The following CDH13 variants were observed in gnomAD, a reference collection of about 807,000 sequenced individuals.
The protein encoded by CDH13 is cadherin-13.
Under a neutral mutation model 63.8 loss-of-function variants are expected in CDH13, and 24 were observed. That is an observed-to-expected ratio of 0.38 (90% CI 0.27 to 0.53). CDH13 has a LOEUF of 0.53. Ranked by LOEUF, CDH13 falls within the 20% of genes least tolerant of loss-of-function variation. CDH13 has a pLI of 0.85. For missense variants in CDH13, 1,049 were observed against 903.1 expected (o/e 1.16, Z -2.07); for synonymous variants, 503 against 355.3 (o/e 1.42, Z -4.67).
intron 1 of CDH13, among the ~76,000 whole-genome samples, chr16:82,856,608 G>A (rs555665847): frequency 8.3e-5 from 12 of 144,510 alleles, no homozygotes; most frequent in Non-Finnish European, 1.5e-4. Flanking sequence ...AGGCTGAGGT[G>A]GGAGGATCGC....
At chr16:83,294,026 A>C (rs965770484) in intron 5 of CDH13, among the ~76,000 whole-genome samples, 1 of 152,212 alleles carries the variant, frequency 6.6e-6, no homozygotes, top group Non-Finnish European at 1.5e-5. Context: ...TGTAGCTAGG[A>C]CATAGCATCA....
chr16:82,927,779 G>A (rs557464781), intron 2 of CDH13, among the ~76,000 whole-genome samples: 15 of 152,290 alleles, frequency 9.8e-5, no homozygotes, highest in African/African-American at 3.1e-4. Flanking sequence ...CTCAGCCCAG[G>A]CACCCTGCCT....
At chr16:83,036,540 C>T (rs1044952068) in intron 3 of CDH13, among the ~76,000 whole-genome samples, 2 of 152,094 alleles carry the variant, frequency 1.3e-5, no homozygotes, top group Non-Finnish European at 2.9e-5. Context: ...AATGCAGTTA[C>T]AACAGAGGCA....
chr16:83,454,451 C>G (rs960182293), intron 6 of CDH13, among the ~76,000 whole-genome samples: 4 of 152,166 alleles, frequency 2.6e-5, no homozygotes, highest in Non-Finnish European at 5.9e-5. Context: ...CTTTGTCTTT[C>G]CTTCTCATCT....
chr16:83,129,559 A>G (rs2035958410), intron 4 of CDH13, among the ~76,000 whole-genome samples: 1 of 152,192 alleles, frequency 6.6e-6, no homozygotes, highest in Admixed American at 6.5e-5. Context: ...TGTGGAACAC[A>G]CTGTCAGCGT....
intron 1 of CDH13, among the ~76,000 whole-genome samples, chr16:82,657,096 A>C (rs758966280): frequency 3.3e-5 from 5 of 152,032 alleles, no homozygotes; most frequent in Non-Finnish European, 7.4e-5. Flanking sequence ...GTAGTTCCCC[A>C]GTTTTCATGG....
At chr16:83,288,909 C>T (rs909301666) in intron 5 of CDH13, among the ~76,000 whole-genome samples, 1 of 152,126 alleles carries the variant, frequency 6.6e-6, no homozygotes, top group African/African-American at 2.4e-5. Flanking sequence ...TGAACATTCG[C>T]CTGGATTTGC....
intron 6 of CDH13, among the ~76,000 whole-genome samples, chr16:83,394,315 G>A (rs1280414179): frequency 6.6e-6 from 1 of 151,804 alleles, no homozygotes; most frequent in African/African-American, 2.4e-5. Context: ...GTTTTCAATT[G>A]CGTGCTCAAG....
chr16:83,142,554 G>A (rs2036578462), intron 4 of CDH13, among the ~76,000 whole-genome samples: 1 of 152,112 alleles, frequency 6.6e-6, no homozygotes, highest in African/African-American at 2.4e-5. Context: ...TCCCCAAACT[G>A]AATCAGGTCC....
chr16:82,970,942 T>C (rs918305230), intron 2 of CDH13, among the ~76,000 whole-genome samples: 2 of 152,244 alleles, frequency 1.3e-5, no homozygotes, highest in African/African-American at 4.8e-5. Flanking sequence ...AAAATATTTG[T>C]TGAATGTACA....
intron 1 of CDH13, among the ~76,000 whole-genome samples, chr16:82,758,704 C>A (rs886832928): frequency 1.3e-5 from 2 of 152,176 alleles, no homozygotes; most frequent in Non-Finnish European, 2.9e-5. Flanking sequence ...TAGGCACTTT[C>A]TTCTAAATGG....
intron 1 of CDH13, among the ~76,000 whole-genome samples, chr16:82,714,940 G>C (rs1477806334): frequency 8.6e-6 from 1 of 115,918 alleles, no homozygotes; most frequent in African/African-American, 3.0e-5. Context: ...CCAGAACTGT[G>C]AGCGATCACA....
intron 6 of CDH13, among the ~76,000 whole-genome samples, chr16:83,464,034 G>T (rs1336947729): frequency 1.3e-5 from 2 of 152,112 alleles, no homozygotes; most frequent in Non-Finnish European, 2.9e-5. Context: ...AGCCAGATTC[G>T]GAAGCTCCTT....
At chr16:83,228,493 A>G (rs8045365) in intron 5 of CDH13, among the ~76,000 whole-genome samples, 6,632 of 152,306 alleles carry the variant, frequency 0.044, 162 homozygotes, top group African/African-American at 0.066. Flanking sequence ...TAGCTGGGGC[A>G]ATGATTTGCA....
chr16:82,762,205 A>G (rs1023912810), intron 1 of CDH13, among the ~76,000 whole-genome samples: 5 of 152,160 alleles, frequency 3.3e-5, no homozygotes, highest in Non-Finnish European at 7.4e-5. Context: ...AGATGAAATG[A>G]AGAGGTTGAA....
chr16:83,524,440 T>TTTTTC, intron 7 of CDH13, among the ~76,000 whole-genome samples: 6 of 127,070 alleles, frequency 4.7e-5, no homozygotes, highest in Admixed American at 1.1e-4. Context: ...GTCTTTTTCT[T>TTTTTC]TTTTCTTTTT....
At chr16:83,549,656 A>AG (rs2075454730) in intron 7 of CDH13, among the ~76,000 whole-genome samples, 1 of 149,580 alleles carries the variant, frequency 6.7e-6, no homozygotes, top group African/African-American at 2.5e-5. Flanking sequence ...AAAAAAAAAA[A>AG]GCAAAAACAA....
At chr16:82,812,016 G>C (rs1308460776) in intron 1 of CDH13, among the ~76,000 whole-genome samples, 1 of 152,110 alleles carries the variant, frequency 6.6e-6, no homozygotes, top group Non-Finnish European at 1.5e-5. Context: ...TCAGCCTTGG[G>C]GTGGGACCAG....
chr16:83,680,403 G>A (rs567472802), intron 10 of CDH13, among the ~76,000 whole-genome samples: 8 of 152,266 alleles, frequency 5.3e-5, no homozygotes, highest in Admixed American at 4.6e-4. Flanking sequence ...TCTGGCAAAT[G>A]AAGCTTACTG....
Sources: allele counts gnomAD v4.1 joint callset (sites outside exome capture counted in the v4.1 genomes callset), GRCh38; gene constraint gnomAD v4.1.1; transcripts MANE v1.5; gene names NCBI Gene and HGNC (gene_info 2026-07-23, HGNC 2026-07-21).